DNAH5: variants seen among roughly 807,000 people sequenced by gnomAD.
The protein encoded by DNAH5 is dynein axonemal heavy chain 5.
DNAH5 carries 372 observed loss-of-function variants against 518.2 expected under a neutral mutation model. The ratio of observed to expected loss-of-function variants is 0.72; its 90% CI spans 0.66 to 0.78. The LOEUF (loss-of-function observed/expected upper bound fraction) is 0.78. DNAH5 is among the 30% of genes least tolerant of loss of function. DNAH5 has a pLI of 0.00. For missense variants in DNAH5, 5,523 were observed against 5,687.0 expected (o/e 0.97, Z 0.93); for synonymous variants, 2,039 against 2,025.9 (o/e 1.01, Z -0.17).
chr5:13,863,886 G>C (rs185259672), intron 28 of DNAH5, among the ~76,000 whole-genome samples: 1 of 152,008 alleles, frequency 6.6e-6, no homozygotes, highest in Non-Finnish European at 1.5e-5. Context: ...CTGCCTCCAC[G>C]CCTCAGCCAC....
At chr5:13,865,405 A>G (rs575428440) in intron 27 of DNAH5, among the ~76,000 whole-genome samples, 7 of 152,330 alleles carry the variant, frequency 4.6e-5, no homozygotes, top group Admixed American at 1.3e-4. Flanking sequence ...CATAAGTGTA[A>G]TATAAATAAA....
At chr5:13,921,388 T>C (rs1376776590) in intron 5 of DNAH5, among the ~76,000 whole-genome samples, 1 of 151,698 alleles carries the variant, frequency 6.6e-6, no homozygotes, top group African/African-American at 2.4e-5. Flanking sequence ...ATCTGGGCTC[T>C]GTCATCTCTC....
intron 1 of DNAH5, 56 bp downstream of exon 1, chr5:13,944,326 T>C: frequency 1.3e-6 from 2 of 1,567,224 alleles, no homozygotes; most frequent in East Asian, 2.2e-5. Flanking sequence ...TCCACCCAGG[T>C]GTGACAGATG....
chr5:13,852,006 T>A (rs1320799202), intron 30 of DNAH5, among the ~76,000 whole-genome samples: 2 of 151,784 alleles, frequency 1.3e-5, no homozygotes, highest in Non-Finnish European at 2.9e-5. Flanking sequence ...AGGGAAGCCA[T>A]GAGGTACCAT....
intron 5 of DNAH5, 43 bp downstream of exon 5, chr5:13,922,064 G>T: frequency 1.3e-6 from 2 of 1,588,504 alleles, no homozygotes; most frequent in South Asian, 2.2e-5. Flanking sequence ...TGTGCTTGTT[G>T]ACCACCTGAT....
intron 78 of DNAH5, among the ~76,000 whole-genome samples, chr5:13,693,396 T>A (rs1740951475): frequency 6.6e-6 from 1 of 152,234 alleles, no homozygotes; most frequent in Non-Finnish European, 1.5e-5. Context: ...CATTATTTGA[T>A]CCAATAGAAC....
At chr5:13,716,054 G>C (rs530587872) in intron 74 of DNAH5, among the ~76,000 whole-genome samples, 9 of 152,172 alleles carry the variant, frequency 5.9e-5, no homozygotes, top group Non-Finnish European at 2.9e-5. Context: ...ATTAGGCCAG[G>C]GTTAAGGAAC....
chr5:13,870,695 C>A, intron 24 of DNAH5, 72 bp downstream of exon 24: 1 of 1,331,226 alleles, frequency 7.5e-7, no homozygotes, highest in South Asian at 1.2e-5. Context: ...ACTCCAGACC[C>A]AGTCAATATT....
intron 51 of DNAH5, 102 bp downstream of exon 51, chr5:13,788,614 A>G (rs2126881341): frequency 1.0e-6 from 1 of 979,690 alleles, no homozygotes. Flanking sequence ...AATAAAGTTT[A>G]CTAGAAAGAA....
intron 70 of DNAH5, 42 bp from the exon 71 acceptor site, chr5:13,721,287 T>C: frequency 6.2e-7 from 1 of 1,613,318 alleles, no homozygotes. Context: ...TCATTCCAAC[T>C]CTTTCATGTA....
chr5:13,901,639 ATATC>A, intron 13 of DNAH5, 66 bp from the exon 14 acceptor site: 2 of 956,874 alleles, frequency 2.1e-6, no homozygotes. Flanking sequence ...CACAATAAAA[ATATC>A]TAGTAATCTC....
At chr5:13,718,500 C>T (rs935395435) in intron 72 of DNAH5, among the ~76,000 whole-genome samples, 1 of 152,180 alleles carries the variant, frequency 6.6e-6, no homozygotes, top group African/African-American at 2.4e-5. Context: ...TGACATATGG[C>T]CCTAATGAAA....
At chr5:13,714,674 A>C in intron 74 of DNAH5, 54 bp from the exon 75 acceptor site, 1 of 1,569,538 alleles carries the variant, frequency 6.4e-7, no homozygotes, top group Non-Finnish European at 8.7e-7. Flanking sequence ...GCACCGTCTA[A>C]ATTACACTAT....
At chr5:13,702,049 C>T (rs1742190536) in intron 76 of DNAH5, among the ~76,000 whole-genome samples, 1 of 152,196 alleles carries the variant, frequency 6.6e-6, no homozygotes, top group South Asian at 2.1e-4. Flanking sequence ...AAACCCAAGA[C>T]TCTTTATCAT....
intron 1 of DNAH5, among the ~76,000 whole-genome samples, chr5:13,939,436 G>A (rs565583491): frequency 3.9e-5 from 6 of 152,024 alleles, no homozygotes; most frequent in South Asian, 2.1e-4. Flanking sequence ...CCTGCCTCCC[G>A]TTTTATTTTG....
intron 12 of DNAH5, among the ~76,000 whole-genome samples, chr5:13,908,809 C>T (rs1170504741): frequency 6.6e-6 from 1 of 152,192 alleles, no homozygotes; most frequent in Non-Finnish European, 1.5e-5. Context: ...CCACCCTGAT[C>T]CAAATCACTC....
chr5:13,816,160 CA>C (rs1761419620), intron 42 of DNAH5, among the ~76,000 whole-genome samples: 1 of 152,144 alleles, frequency 6.6e-6, no homozygotes, highest in African/African-American at 2.4e-5. Context: ...AGCTGGAGGT[CA>C]GGGGTGTCCT....
In DNAH5 at chr5:13,865,908, T is replaced by C. The variant is rs1467301649; in HGVS notation, c.4117-2A>G. 8 of 1,554,344 alleles carry C rather than the reference T, an allele frequency of 5.1e-6. No homozygotes were observed. The highest frequency in any genetic ancestry group is 6.2e-6 in the Non-Finnish European group (7 of 1,126,470). The stretch of plus-strand genomic sequence containing the variant: ...CCGATAGATATTATCAAATTGATTC[T>C]AATAAAAACACAAGTGAAAACGCAT... On this transcript the variant is annotated splice_acceptor_variant, in intron 26 of 78. Coordinates refer to ENST00000265104, the MANE Select transcript of DNAH5 (RefSeq NM_001369.3). LOFTEE classifies it high-confidence loss of function.
chr5:13,988,365 A>G (rs917120884), intron 1 of DNAH5, among the ~76,000 whole-genome samples: 1 of 151,910 alleles, frequency 6.6e-6, no homozygotes, highest in Non-Finnish European at 1.5e-5. Context: ...CTTTAATTGG[A>G]AGGAATTGTG....
Sources: gnomAD v4.1 joint callset for allele counts (sites outside exome capture counted in the v4.1 genomes callset) on GRCh38, gnomAD v4.1.1 for gene constraint, MANE v1.5 for transcripts, NCBI Gene and HGNC (gene_info 2026-07-23, HGNC 2026-07-21) for gene names.